The following BPGM variants were observed in gnomAD, a reference collection of about 807,000 sequenced individuals.
BPGM encodes the protein bisphosphoglycerate mutase.
Under a neutral mutation model 21.6 loss-of-function variants are expected in BPGM, and 15 were observed. The observed-to-expected ratio is 0.70, with a 90% CI of 0.47 to 1.07. The LOEUF is 1.07. BPGM is among the 50% of genes least tolerant of loss of function. BPGM has a pLI of 0.00. For synonymous variants in BPGM, 113 were observed against 116.2 expected, an observed-to-expected ratio of 0.97 and a Z score of 0.18; for missense variants, 273 against 319.0, an observed-to-expected ratio of 0.86 and a Z score of 1.10.
At chr7:134,671,417 A>G (rs1795902417) in intron 2 of BPGM, among the ~76,000 whole-genome samples, 1 of 145,626 alleles carries the variant, frequency 6.9e-6, no homozygotes, top group Admixed American at 7.0e-5. Flanking sequence ...GCTGGAGTGC[A>G]GTGGTGCAAT....
intron 1 of BPGM, among the ~76,000 whole-genome samples, chr7:134,652,150 T>A (rs1485074002): frequency 1.3e-5 from 2 of 152,210 alleles, no homozygotes; most frequent in African/African-American, 4.8e-5. Flanking sequence ...TTACTCATGG[T>A]ACTTGCCGTT....
At chr7:134,669,419 A>ATCTC (rs1260207084) in intron 2 of BPGM, among the ~76,000 whole-genome samples, 1 of 151,908 alleles carries the variant, frequency 6.6e-6, no homozygotes, top group Non-Finnish European at 1.5e-5. Flanking sequence ...ATCCCAGACT[A>ATCTC]TCTCTGCTTA....
chr7:134,663,088 A>C (rs1795761946), intron 2 of BPGM, among the ~76,000 whole-genome samples: 1 of 152,202 alleles, frequency 6.6e-6, no homozygotes, highest in Non-Finnish European at 1.5e-5. Flanking sequence ...CTGGTAATAA[A>C]TAGAAGAAAT....
intron 1 of BPGM, among the ~76,000 whole-genome samples, chr7:134,650,660 C>T (rs145193444): frequency 5.9e-5 from 9 of 152,308 alleles, no homozygotes; most frequent in Admixed American, 2.0e-4. Flanking sequence ...CGGTGGCTCA[C>T]GCCTGTAATC....
chr7:134,667,984 C>A (rs1319591100), intron 2 of BPGM, among the ~76,000 whole-genome samples: 1 of 152,178 alleles, frequency 6.6e-6, no homozygotes, highest in African/African-American at 2.4e-5. Context: ...GCTGAAATCT[C>A]AAATTGCTTT....
intron 1 of BPGM, chr7:134,660,336 T>C (rs899407313): frequency 3.9e-5 from 6 of 152,246 alleles, no homozygotes; most frequent in African/African-American, 1.4e-4. Context: ...GTATAATCTT[T>C]ACAACCCAGT....
At chr7:134,659,372 CGTGTGTGTGTGTGTGTGTGTGT>C (rs66893203) in intron 1 of BPGM, among the ~76,000 whole-genome samples, 3 of 145,362 alleles carry the variant, frequency 2.1e-5, no homozygotes, top group Non-Finnish European at 3.0e-5. Flanking sequence ...CACACCCCTC[CGTGTGTGTGTGTGTGTGTGTGT>C]GTGTGTGTGT....
chr7:134,651,525 T>C (rs1238778218), intron 1 of BPGM, among the ~76,000 whole-genome samples: 1 of 152,138 alleles, frequency 6.6e-6, no homozygotes, highest in Non-Finnish European at 1.5e-5. Flanking sequence ...TGTGGAATTA[T>C]ATAGTTTAAT....
chr7:134,662,206 C>G lies in BPGM; in HGVS notation c.601+98C>G. 2.1e-6 allele frequency: 3 copies of G among 1,454,834 alleles called. No individual in the cohort carries two copies. The Admixed American group carries it at 5.1e-5, about 25-fold the overall frequency. 90.1% of individuals were successfully genotyped at this position (1,454,834 alleles called of 1,614,324 possible). A position where few individuals can be genotyped will look rare whatever the true frequency, so the allele number is the denominator to read the frequency against. On this transcript the variant is annotated intron_variant, in intron 2 of 2. Transcript: ENST00000344924. ...AATGAGGCCCTATTTACACAATAGACTCCTCTATCCCCCTTTGTCACTTCA... is the reference window on the plus strand; with the variant it reads ...AATGAGGCCCTATTTACACAATAGAGTCCTCTATCCCCCTTTGTCACTTCA...
chr7:134,676,815 T>C (rs1795989088), intron 2 of BPGM, among the ~76,000 whole-genome samples: 2 of 152,174 alleles, frequency 1.3e-5, no homozygotes, highest in Non-Finnish European at 2.9e-5. Flanking sequence ...ACTGTTGGAT[T>C]TGAAAGGCTC....
intron 2 of BPGM, among the ~76,000 whole-genome samples, chr7:134,662,606 A>G (rs1217419530): frequency 2.0e-5 from 3 of 152,220 alleles, no homozygotes; most frequent in Non-Finnish European, 2.9e-5. Flanking sequence ...TCTAGACTTC[A>G]GTTTTGCTCA....
chr7:134,651,239 G>A (rs2131413848), intron 1 of BPGM, among the ~76,000 whole-genome samples: 1 of 152,236 alleles, frequency 6.6e-6, no homozygotes, highest in Non-Finnish European at 1.5e-5. Flanking sequence ...ACATTATATT[G>A]CTGATCAAAT....
At chr7:134,671,917 G>C (rs1319849533) in intron 2 of BPGM, among the ~76,000 whole-genome samples, 1 of 152,148 alleles carries the variant, frequency 6.6e-6, no homozygotes, top group Admixed American at 6.6e-5. Flanking sequence ...TATAATCCTG[G>C]TGGGAAAAGT....
chr7:134,652,441 C>T lies in BPGM; in HGVS notation c.-62+5504C>T, dbSNP rs368288557. 1.3e-3 allele frequency among the ~76,000 whole-genome samples: 203 copies of T among 152,210 alleles called. 4 individuals carry two copies. In the South Asian group the frequency reaches 0.039, roughly 30 times the overall value. Reference sequence around the variant, plus strand: ...TGATCAAATCAGAGTAATTGATTTACCTCATGCATTTGTCTATTACCTCAT... The same window carrying T: ...TGATCAAATCAGAGTAATTGATTTATCTCATGCATTTGTCTATTACCTCAT... On this transcript the variant is annotated intron_variant, in intron 1 of 2. Transcript: ENST00000344924.
chr7:134,679,209 TTA>T lies in BPGM; in HGVS notation c.*180_*181del. On this transcript the variant is annotated 3_prime_UTR_variant, in exon 3 of 3. Transcript: ENST00000344924. ...ATAAGGCTTTAGGATGCCTCAGTGC[TTA>T]TGTCATAGCCTTATGAGTTAGCTTT... 1.5e-6 allele frequency: 1 copy of T among 678,668 alleles called. No homozygotes were observed. The highest frequency in any genetic ancestry group is 1.9e-5 in the South Asian group (1 of 52,596). 42.0% of individuals were successfully genotyped at this position (678,668 alleles called of 1,614,324 possible).
chr7:134,652,669 T>C (rs1257522550), intron 1 of BPGM, among the ~76,000 whole-genome samples: 1 of 152,210 alleles, frequency 6.6e-6, no homozygotes, highest in East Asian at 1.9e-4. Flanking sequence ...AATTCTGCTA[T>C]TGCAATACAT....
intron 2 of BPGM, among the ~76,000 whole-genome samples, chr7:134,672,229 G>A (rs1405176594): frequency 6.6e-6 from 1 of 151,982 alleles, no homozygotes; most frequent in Non-Finnish European, 1.5e-5. Context: ...ATGAAGATTC[G>A]ATACTTAAAG....
At chr7:134,657,299 T>C (rs1189176285) in intron 1 of BPGM, among the ~76,000 whole-genome samples, 1 of 152,134 alleles carries the variant, frequency 6.6e-6, no homozygotes, top group Non-Finnish European at 1.5e-5. Context: ...CTGCATAGGG[T>C]ACAGTGTGTG....
chr7:134,667,472 CG>C (rs749348373), intron 2 of BPGM, among the ~76,000 whole-genome samples: 45 of 151,960 alleles, frequency 3.0e-4, no homozygotes, highest in Middle Eastern at 6.8e-3. Context: ...ACTAGGGAAG[CG>C]GAGGCAGGAG....
Sources: allele counts gnomAD v4.1 joint callset (sites outside exome capture counted in the v4.1 genomes callset), GRCh38; gene constraint gnomAD v4.1.1; transcripts MANE v1.5; gene names NCBI Gene and HGNC (gene_info 2026-07-23, HGNC 2026-07-21).